LARGE1: variants seen among roughly 807,000 people sequenced by gnomAD.
The protein encoded by LARGE1 is xylosyl- and glucuronyltransferase LARGE1.
In LARGE1, 43 loss-of-function variants were observed where a neutral mutation model predicts 87.6. The ratio of observed to expected loss-of-function variants is 0.49; its 90% CI spans 0.38 to 0.63. LARGE1 has a LOEUF of 0.63. Ranked by LOEUF, LARGE1 falls within the 30% of genes least tolerant of loss-of-function variation. The pLI is 0.00. For missense variants in LARGE1, 802 were observed against 1,000.2 expected, an observed-to-expected ratio of 0.80 and a Z score of 2.67; for synonymous variants, 434 against 394.6, an observed-to-expected ratio of 1.10 and a Z score of -1.18.
At chr22:33,157,984 T>C (rs1004731421), downstream of LARGE1, among the ~76,000 whole-genome samples, 25 of 152,088 alleles carry the variant, frequency 1.6e-4, 1 homozygote, top group Admixed American at 6.5e-5. Context: ...ATACCAAAAA[T>C]AGTAAATTTG....
rs62225377 is a variant in LARGE1, at chr22:33,703,534, T to C, written c.107-52866A>G. On this transcript the variant is annotated intron_variant, in intron 2 of 14. Coordinates refer to ENST00000397394, the MANE Select transcript of LARGE1 (RefSeq NM_133642.5). ...CTAGAGGTGGAAGATGATCCCAGAT[T>C]ATCCTGCTGGGCCTGATATAATTAC... Among the ~76,000 whole-genome samples, 3 of 152,114 alleles carry C rather than the reference T, an allele frequency of 2.0e-5. No individual in the cohort carries two copies. The East Asian group carries it at 5.8e-4, about 29-fold the overall frequency.
chr22:33,575,632 T>C (rs2078330479), intron 5 of LARGE1, among the ~76,000 whole-genome samples: 1 of 152,212 alleles, frequency 6.6e-6, no homozygotes, highest in Non-Finnish European at 1.5e-5. Context: ...CCCGTAAGCA[T>C]CAATGAACAT....
chr22:33,683,686 G>A (rs978312327), intron 2 of LARGE1, among the ~76,000 whole-genome samples: 1 of 151,702 alleles, frequency 6.6e-6, no homozygotes, highest in African/African-American at 2.4e-5. Context: ...TGGAGATAGA[G>A]GAAAACTGAG....
chr22:33,710,223 A>G (rs187995062), intron 2 of LARGE1, among the ~76,000 whole-genome samples: 3 of 152,260 alleles, frequency 2.0e-5, no homozygotes, highest in Non-Finnish European at 4.4e-5. Flanking sequence ...AAGAATGCAG[A>G]ATAATGTAAT....
intron 9 of LARGE1, among the ~76,000 whole-genome samples, chr22:33,348,911 T>C (rs900973314): frequency 6.6e-6 from 1 of 152,124 alleles, no homozygotes; most frequent in African/African-American, 2.4e-5. Context: ...TGCTGTTCTC[T>C]TGATTATGAA....
chr22:33,750,191 G>A (rs1053258442), intron 2 of LARGE1, among the ~76,000 whole-genome samples: 10 of 152,178 alleles, frequency 6.6e-5, no homozygotes, highest in Non-Finnish European at 1.3e-4. Context: ...GTGCAGGGAT[G>A]ACACAAGGAT....
the LARGE1 span, among the ~76,000 whole-genome samples, chr22:33,131,032 T>TAAAA: frequency 5.5e-5 from 1 of 18,024 alleles, no homozygotes; most frequent in Non-Finnish European, 8.7e-5. Context: ...AGACTCCGTC[T>TAAAA]CAAAAAAAAA....
rs1043937153 is a variant in LARGE1 at position 33,539,577 on chromosome 22, T to C, written c.787+25271A>G. 3.3e-5 allele frequency among the ~76,000 whole-genome samples: 5 copies of C among 151,986 alleles called. No homozygotes were observed. The East Asian group carries it at 9.6e-4, about 29-fold the overall frequency. On this transcript the variant is annotated intron_variant, in intron 6 of 14. Coordinates refer to ENST00000397394, the MANE Select transcript of LARGE1 (RefSeq NM_133642.5). ...ATCAGAATATCTAGAAATGATCTAA[T>C]TAAATCCTCCAAACTTTTTTTTTTT...
At chr22:33,695,271 T>G (rs189997035) in intron 2 of LARGE1, among the ~76,000 whole-genome samples, 1 of 151,888 alleles carries the variant, frequency 6.6e-6, no homozygotes, top group Non-Finnish European at 1.5e-5. Flanking sequence ...ACCCTGCTAA[T>G]TTTTCTATTT....
At chr22:33,152,112 G>A in the LARGE1 span, among the ~76,000 whole-genome samples, 21 of 152,188 alleles carry the variant, frequency 1.4e-4, no homozygotes, top group Non-Finnish European at 2.6e-4. Context: ...TAATGACCCT[G>A]TAGGCATTTA....
intron 6 of LARGE1, among the ~76,000 whole-genome samples, chr22:33,453,705 C>A (rs1272117584): frequency 6.6e-6 from 1 of 152,128 alleles, no homozygotes; most frequent in Admixed American, 6.5e-5. Context: ...GGTTTTTTTA[C>A]TTGGTTCTCG....
At chr22:33,706,272 G>A (rs957867790) in intron 2 of LARGE1, among the ~76,000 whole-genome samples, 6 of 152,082 alleles carry the variant, frequency 3.9e-5, no homozygotes, top group Non-Finnish European at 5.9e-5. Context: ...TGGATCACAC[G>A]GCTCAGCCCA....
At chr22:33,582,885 A>C (rs934225648) in intron 5 of LARGE1, among the ~76,000 whole-genome samples, 3 of 152,226 alleles carry the variant, frequency 2.0e-5, no homozygotes, top group African/African-American at 7.2e-5. Flanking sequence ...AGTAGCTCCA[A>C]GGTGTACCTG....
At chr22:33,583,185 C>G (rs577708017) in intron 5 of LARGE1, among the ~76,000 whole-genome samples, 2 of 152,264 alleles carry the variant, frequency 1.3e-5, no homozygotes, top group South Asian at 2.1e-4. Flanking sequence ...CATGATCCAT[C>G]TCCCCCACAT....
intron 11 of LARGE1, among the ~76,000 whole-genome samples, chr22:33,194,886 G>T (rs373127383): frequency 2.0e-5 from 3 of 152,252 alleles, no homozygotes; most frequent in Admixed American, 1.3e-4. Context: ...TGCTTCTCTT[G>T]ACTCTCAGCC....
chr22:33,736,108 C>A (rs190304461), intron 2 of LARGE1, among the ~76,000 whole-genome samples: 3 of 152,092 alleles, frequency 2.0e-5, no homozygotes, highest in African/African-American at 7.2e-5. Context: ...AAATTTTGTA[C>A]ATGTTTTTGT....
intron 6 of LARGE1, among the ~76,000 whole-genome samples, chr22:33,529,584 A>G (rs891229233): frequency 6.6e-6 from 1 of 152,208 alleles, no homozygotes; most frequent in Admixed American, 6.5e-5. Flanking sequence ...TAGGCCAGTG[A>G]ACTTAGGTGA....
the LARGE1 span, chr22:33,137,209 C>A: frequency 1.3e-5 from 2 of 152,322 alleles, no homozygotes; most frequent in South Asian, 4.2e-4. Context: ...ATCATCTTCA[C>A]AGGGGTCCTG....
At chr22:33,657,181 C>T (rs2080985886) in intron 2 of LARGE1, 1 of 152,246 alleles carries the variant, frequency 6.6e-6, no homozygotes, top group Non-Finnish European at 1.5e-5. Flanking sequence ...TCTCTCTAGT[C>T]TAGGAAAGCA....
Sources: gnomAD v4.1 joint callset for allele counts (sites outside exome capture counted in the v4.1 genomes callset) on GRCh38, gnomAD v4.1.1 for gene constraint, MANE v1.5 for transcripts, NCBI Gene and HGNC (gene_info 2026-07-23, HGNC 2026-07-21) for gene names.